GRIA3: variants seen among roughly 807,000 people sequenced by gnomAD.
GRIA3 encodes the protein glutamate receptor 3.
In GRIA3, 3 loss-of-function variants were observed where a neutral mutation model predicts 63.0. The ratio of observed to expected loss-of-function variants is 0.05; its 90% CI spans 0.02 to 0.12. The LOEUF (loss-of-function observed/expected upper bound fraction) is 0.12, where lower values mean the gene tolerates loss of function less well. GRIA3 is among the 10% of genes least tolerant of loss of function. The probability of loss-of-function intolerance (pLI) is 1.00; values close to 1 mark genes in which losing one functional copy is unlikely to be tolerated. For synonymous variants in GRIA3, 274 were observed against 257.9 expected, an observed-to-expected ratio of 1.06 and a Z score of -0.60; for missense variants, 347 against 700.9, an observed-to-expected ratio of 0.50 and a Z score of 5.70.
At chrX:123,251,337 T>C (rs1232969440) in intron 2 of GRIA3, among the ~76,000 whole-genome samples, 1 of 112,423 alleles carries the variant, frequency 8.9e-6, no homozygotes, top group African/African-American at 3.2e-5. Flanking sequence ...TTGGTGATGA[T>C]CAAGACATCC....
At chrX:123,197,361 C>T (rs1927601971) in intron 2 of GRIA3, among the ~76,000 whole-genome samples, 1 of 111,264 alleles carries the variant, frequency 9.0e-6, no homozygotes, top group African/African-American at 3.3e-5. Context: ...CCCGTGTCTA[C>T]TAAAAATACA....
At chrX:123,463,692 A>G (rs201683437) in intron 12 of GRIA3, among the ~76,000 whole-genome samples, 4,097 of 30,400 alleles carry the variant, frequency 0.13, 430 homozygotes, top group East Asian at 0.43. Context: ...AAGAGAGAGA[A>G]AGAAAGAAAA....
intron 2 of GRIA3, among the ~76,000 whole-genome samples, chrX:123,230,024 C>T (rs1259535244): frequency 9.0e-6 from 1 of 111,536 alleles, no homozygotes; most frequent in African/African-American, 3.3e-5. Context: ...GGAGTCTTTG[C>T]TAAATGCATG....
At chrX:123,265,658 T>C (rs1467421128) in intron 3 of GRIA3, among the ~76,000 whole-genome samples, 1 of 111,679 alleles carries the variant, frequency 9.0e-6, no homozygotes, top group Non-Finnish European at 1.9e-5. Flanking sequence ...ACCTTTATGG[T>C]TCAAGGGTCA....
At chrX:123,271,753 C>T (rs747946047) in intron 3 of GRIA3, among the ~76,000 whole-genome samples, 2 of 111,990 alleles carry the variant, frequency 1.8e-5, no homozygotes, top group African/African-American at 6.5e-5. Flanking sequence ...CCTCATTTTA[C>T]AGATGAGGAA....
At chrX:123,223,438 G>C (rs2044229198) in intron 2 of GRIA3, among the ~76,000 whole-genome samples, 1 of 112,186 alleles carries the variant, frequency 8.9e-6, no homozygotes, top group Non-Finnish European at 1.9e-5. Flanking sequence ...CTGTGCTCTG[G>C]GCTTACTGAG....
At chrX:123,292,382 T>C (rs2044661368) in intron 3 of GRIA3, among the ~76,000 whole-genome samples, 1 of 111,262 alleles carries the variant, frequency 9.0e-6, no homozygotes, top group Admixed American at 9.6e-5. Context: ...GTACTTTTGG[T>C]GTCACCTCAC....
intron 3 of GRIA3, among the ~76,000 whole-genome samples, chrX:123,308,042 G>A (rs1249266986): frequency 1.8e-5 from 2 of 111,296 alleles, no homozygotes; most frequent in Admixed American, 1.9e-4. Context: ...TTGGGCCTAG[G>A]TTGAGCAAGT....
At chrX:123,428,582 T>C (rs746583382) in intron 12 of GRIA3, among the ~76,000 whole-genome samples, 1 of 112,383 alleles carries the variant, frequency 8.9e-6, no homozygotes, top group South Asian at 3.7e-4. Flanking sequence ...AGTAATGGAC[T>C]ATAAGAAATT....
intron 3 of GRIA3, among the ~76,000 whole-genome samples, chrX:123,278,229 G>A (rs921591973): frequency 9.0e-6 from 1 of 111,634 alleles, no homozygotes; most frequent in Non-Finnish European, 1.9e-5. Context: ...CCCACCAGGT[G>A]GCAGATGTAC....
intron 10 of GRIA3, among the ~76,000 whole-genome samples, chrX:123,408,493 A>G (rs904663245): frequency 8.9e-6 from 1 of 112,278 alleles, no homozygotes; most frequent in African/African-American, 3.2e-5. Flanking sequence ...TTTCTCCTCC[A>G]GCATGTTCCC....
intron 10 of GRIA3, among the ~76,000 whole-genome samples, chrX:123,415,632 G>C (rs1004657298): frequency 1.8e-5 from 2 of 111,507 alleles, no homozygotes; most frequent in African/African-American, 3.3e-5. Flanking sequence ...ATCTACTTTT[G>C]GGGGGATAGA....
chrX:123,351,095 G>C (rs1391809886), intron 4 of GRIA3, among the ~76,000 whole-genome samples: 2 of 112,041 alleles, frequency 1.8e-5, no homozygotes, highest in East Asian at 5.6e-4. Flanking sequence ...AATTCAGAAA[G>C]AGCTATTATA....
chrX:123,271,474 G>A (rs778240831), intron 3 of GRIA3, among the ~76,000 whole-genome samples: 1 of 111,695 alleles, frequency 9.0e-6, no homozygotes, highest in Non-Finnish European at 1.9e-5. Context: ...CAGTGAACGC[G>A]GGACTAAAGC....
intron 2 of GRIA3, among the ~76,000 whole-genome samples, chrX:123,223,809 T>C (rs983424330): frequency 8.9e-6 from 1 of 112,053 alleles, no homozygotes; most frequent in Non-Finnish European, 1.9e-5. Flanking sequence ...AAAAATAGAA[T>C]CTGGCATGGC....
chrX:123,386,404 G>A (rs1450066045), intron 5 of GRIA3, among the ~76,000 whole-genome samples: 1 of 111,755 alleles, frequency 8.9e-6, no homozygotes, highest in Non-Finnish European at 1.9e-5. Flanking sequence ...CCATTCAACA[G>A]GTTGTCTCTT....
intron 5 of GRIA3, among the ~76,000 whole-genome samples, chrX:123,357,815 G>A (rs2045143318): frequency 9.0e-6 from 1 of 111,487 alleles, no homozygotes; most frequent in Admixed American, 9.5e-5. Context: ...GTCAGTCTAA[G>A]TAATGAAAAT....
At chrX:123,379,259 T>C (rs945900661) in intron 5 of GRIA3, among the ~76,000 whole-genome samples, 1 of 111,844 alleles carries the variant, frequency 8.9e-6, no homozygotes, top group Admixed American at 9.5e-5. Flanking sequence ...TTTTATAGTG[T>C]CCTATACTGT....
At chrX:123,317,478 C>G (rs778178223) in intron 3 of GRIA3, among the ~76,000 whole-genome samples, 3 of 112,199 alleles carry the variant, frequency 2.7e-5, no homozygotes, top group Non-Finnish European at 3.8e-5. Context: ...TTCTTAGATA[C>G]AATGGAGGTA....
Sources: allele counts gnomAD v4.1 joint callset (sites outside exome capture counted in the v4.1 genomes callset), GRCh38; gene constraint gnomAD v4.1.1; transcripts MANE v1.5; gene names NCBI Gene and HGNC (gene_info 2026-07-23, HGNC 2026-07-21).